Variants in MIER2 observed in about 807,000 individuals in gnomAD.
MIER2 encodes mesoderm induction early response protein 2.
A neutral mutation model predicts 67.6 loss-of-function variants in MIER2; 30 were observed. The observed-to-expected ratio is 0.44, with a 90% CI of 0.33 to 0.60. The LOEUF (loss-of-function observed/expected upper bound fraction) is 0.60, where lower values mean the gene tolerates loss of function less well. MIER2 is among the 20% of genes least tolerant of loss of function. MIER2 has a pLI of 0.02. For synonymous variants in MIER2, 372 were observed against 312.6 expected, an observed-to-expected ratio of 1.19 and a Z score of -2.00; for missense variants, 702 against 745.1, an observed-to-expected ratio of 0.94 and a Z score of 0.67.
chr19:340,283 C>A (rs1007642262), intron 1 of MIER2, among the ~76,000 whole-genome samples: 2 of 152,194 alleles, frequency 1.3e-5, no homozygotes, highest in African/African-American at 4.8e-5. Flanking sequence ...GACCCTTGAA[C>A]AACGCAGGGG....
intron 10 of MIER2, among the ~76,000 whole-genome samples, chr19:310,389 G>C (rs1193061286): frequency 2.0e-5 from 3 of 152,242 alleles, no homozygotes; most frequent in African/African-American, 7.2e-5. Flanking sequence ...GCTCTTCTGT[G>C]AAGGGCCAGG....
At chr19:319,995 G>A (rs548283722) in intron 7 of MIER2, among the ~76,000 whole-genome samples, 12 of 152,218 alleles carry the variant, frequency 7.9e-5, no homozygotes, top group East Asian at 1.9e-4. Context: ...TGCTCACAGC[G>A]AGCATGTAAT....
At chr19:311,979 G>T in intron 9 of MIER2, 40 bp from the exon 10 acceptor site, 1 of 1,590,400 alleles carries the variant, frequency 6.3e-7, no homozygotes, top group Non-Finnish European at 8.6e-7. Flanking sequence ...TGGTGCCCAG[G>T]GCGGGGCCGC....
At chr19:342,001 T>C (rs1972527789) in intron 1 of MIER2, among the ~76,000 whole-genome samples, 1 of 151,988 alleles carries the variant, frequency 6.6e-6, no homozygotes, top group Non-Finnish European at 1.5e-5. Flanking sequence ...TAACCCAAAA[T>C]GACAGGGTGG....
chr19:335,948 G>A (rs1287918506), intron 2 of MIER2, 135 bp downstream of exon 2: 3 of 802,274 alleles, frequency 3.7e-6, no homozygotes, highest in Non-Finnish European at 6.1e-6. Context: ...ATCTGAACGG[G>A]TGGGAGCTGG....
chr19:313,659 G>T lies in MIER2; in HGVS notation c.656-16C>A, dbSNP rs772637477. 29 of 1,604,954 alleles carry T rather than the reference G, an allele frequency of 1.8e-5. No individual in the cohort carries two copies. The highest frequency in any genetic ancestry group is 2.5e-5 in the Non-Finnish European group (29 of 1,178,596). On this transcript the variant is annotated splice_polypyrimidine_tract_variant and intron_variant, in intron 7 of 13. Transcript: ENST00000264819. ...TTCTCGTAGACTGCACAAGCAGAGG[G>T]CAAAGGTCAGCTTGCAGGAACCCAA...
At position 307,151 on chromosome 19, in the gene MIER2, C is replaced by G. The variant is rs1352571745; in HGVS notation, c.1584G>C (p.Pro528=). ...NPFLAAHPTC[P]APGLHSEPLS... The stretch of plus-strand genomic sequence containing the variant: ...GGGGCTCCGAGTGTAGCCCGGGGGC[C>G]GGGCACGTGGGGTGGGCGGCCAGGA... Residue 528 remains proline (P), a synonymous_variant, in exon 13 of 14, where the codon CCG becomes CCC. Coordinates refer to ENST00000264819, the MANE Select transcript of MIER2 (RefSeq NM_017550.3). 19 of 1,587,942 alleles carry G rather than the reference C, an allele frequency of 1.2e-5. No homozygotes were observed. The highest frequency in any genetic ancestry group is 1.6e-5 in the Non-Finnish European group (19 of 1,167,550).
intron 1 of MIER2, among the ~76,000 whole-genome samples, chr19:340,801 G>A (rs1010468812): frequency 1.3e-5 from 2 of 152,186 alleles, no homozygotes; most frequent in African/African-American, 2.4e-5. Flanking sequence ...AGCTCTAAGT[G>A]GAGACTGACA....
At position 318,929 on chromosome 19, in the gene MIER2, C is replaced by T. The variant is rs531958948; in HGVS notation, c.656-5286G>A. 9.2e-5 allele frequency among the ~76,000 whole-genome samples: 14 copies of T among 151,846 alleles called. No individual in the cohort carries two copies. In the South Asian group the frequency reaches 1.7e-3, roughly 18 times the overall value. On this transcript the variant is annotated intron_variant, in intron 7 of 13. Coordinates refer to ENST00000264819, the MANE Select transcript of MIER2 (RefSeq NM_017550.3). ...AAAACTAGCCGGGCGTGGTGGTGGG[C>T]GCCTATAGTCCCAGCTACTTGGGAG... is the stretch of plus-strand genomic sequence containing the variant.
In MIER2 at chr19:306,304, C is replaced by CCGTCTCCCCGCCGGGGCAGGGCGTCCTGT. The variant is rs1970645967; in HGVS notation, c.*385_*386insACAGGACGCCCTGCCCCGGCGGGGAGACG. ...TGCTGGTGCGGGGCAGGGCGTCCTG[C>CCGTCTCCCCGCCGGGGCAGGGCGTCCTGT]CCGTCTCCCCGCCGGGGCAGTGACG... On this transcript the variant is annotated 3_prime_UTR_variant, in exon 14 of 14. Transcript: ENST00000264819. 3.7e-6 allele frequency: 1 copy of CCGTCTCCCCGCCGGGGCAGGGCGTCCTGT among 272,228 alleles called. No homozygotes were observed. The highest frequency in any genetic ancestry group is 2.3e-5 in the African/African-American group (1 of 44,302). 16.9% of individuals were successfully genotyped at this position (272,228 alleles called of 1,614,324 possible).
At position 313,302 on chromosome 19, in the gene MIER2, T is replaced by A. The variant is rs72984430; in HGVS notation, c.807+190A>T. Among the ~76,000 whole-genome samples, 20,954 of 152,110 alleles carry A rather than the reference T, an allele frequency of 0.14. 1,996 individuals are homozygous for A. The highest frequency in any genetic ancestry group is 0.25 in the African/African-American group (10,570 of 41,462). ...CAGGATACCCGGAGGCGTCTACACCTCCTCCCTGATACGTGGTTTTAATTG... is the reference window on the plus strand; with the variant it reads ...CAGGATACCCGGAGGCGTCTACACCACCTCCCTGATACGTGGTTTTAATTG... On this transcript the variant is annotated intron_variant, in intron 8 of 13. Transcript: ENST00000264819.
Position 306,788 on chromosome 19 carries a change from C to G in MIER2, c.1617-77G>C, listed in dbSNP as rs569486833. On this transcript the variant is annotated intron_variant, in intron 13 of 13. Transcript: ENST00000264819. ...TGCCTGCACAGCCCAGTGCTGAGCG[C>G]TGGACTCGAGACTCCCAGCCTTGCC... is the stretch of plus-strand genomic sequence containing the variant. 290 of 1,545,982 alleles carry G rather than the reference C, an allele frequency of 1.9e-4. 4 individuals are homozygous for G. The South Asian group carries it at 3.1e-3, about 17-fold the overall frequency.
At position 344,789 on chromosome 19, in the gene MIER2, G is replaced by A; in HGVS notation, c.-7C>T. ...GCTCACTCACCTCCGCCATGGCCGT[G>A]TGTGCGCGGGAGGCGGTGGCCGCGC... On this transcript the variant is annotated 5_prime_UTR_variant, in exon 1 of 14. Transcript: ENST00000264819. 8.3e-7 allele frequency: 1 copy of A among 1,197,996 alleles called. No homozygotes were observed. The highest frequency in any genetic ancestry group is 1.0e-6 in the Non-Finnish European group (1 of 966,056). 74.2% of individuals were successfully genotyped at this position (1,197,996 alleles called of 1,614,324 possible). A position where few individuals can be genotyped will look rare whatever the true frequency, so the allele number is the denominator to read the frequency against.
intron 7 of MIER2, among the ~76,000 whole-genome samples, chr19:314,312 A>T (rs1971141914): frequency 6.6e-6 from 1 of 152,164 alleles, no homozygotes; most frequent in Non-Finnish European, 1.5e-5. Context: ...CTCAGATGCA[A>T]TTGGCTTTCG....
In MIER2 at chr19:312,364, C is replaced by T. The variant is rs1180274999; in HGVS notation, c.808-92G>A. On this transcript the variant is annotated intron_variant, in intron 8 of 13. Transcript: ENST00000264819. ...ACCATCCAGCGAGTGGCATCAGGGG[C>T]CGTCCACACCACCCTCCTGGGCGAT... The T allele has an allele frequency of 3.3e-6, 4 of 1,225,768 alleles. No homozygotes were observed. The African/African-American group carries it at 4.5e-5, about 14-fold the overall frequency. The allele number at this position is 1,225,768 out of a possible 1,614,324, so 75.9% of individuals were successfully genotyped here.
intron 12 of MIER2, among the ~76,000 whole-genome samples, chr19:307,778 G>C (rs558924948): frequency 4.5e-5 from 5 of 111,368 alleles, no homozygotes; most frequent in East Asian, 2.0e-4. Flanking sequence ...TCTTTAAAAA[G>C]AGCAGAATAC....
intron 1 of MIER2, among the ~76,000 whole-genome samples, chr19:341,880 A>G (rs1972519088): frequency 6.6e-6 from 1 of 152,192 alleles, no homozygotes; most frequent in African/African-American, 2.4e-5. Context: ...GCTACTCAAC[A>G]TAAAGACTGC....
At chr19:312,087 G>A (rs1001291060) in intron 9 of MIER2, 104 bp downstream of exon 9, 52 of 1,298,096 alleles carry the variant, frequency 4.0e-5, no homozygotes, top group Admixed American at 2.3e-4. Context: ...GGTCAGCGGC[G>A]CCCAGGGCGG....
At chr19:310,520 T>TGAGCTGCAGAAACACGGCCCG in intron 10 of MIER2, among the ~76,000 whole-genome samples, 1 of 33,862 alleles carries the variant, frequency 3.0e-5, no homozygotes, top group Middle Eastern at 0.01. Flanking sequence ...AACGCGGCCC[T>TGAGCTGCAGAAACACGGCCCG]GAGCTATAGA....
Sources: gnomAD v4.1 joint callset for allele counts (sites outside exome capture counted in the v4.1 genomes callset) on GRCh38, gnomAD v4.1.1 for gene constraint, MANE v1.5 for transcripts, NCBI Gene and HGNC (gene_info 2026-07-23, HGNC 2026-07-21) for gene names.